The following PLCB4 variants were observed in gnomAD, a reference collection of about 807,000 sequenced individuals.
The protein encoded by PLCB4 is 1-phosphatidylinositol 4,5-bisphosphate phosphodiesterase beta-4.
PLCB4 carries 77 observed loss-of-function variants against 178.8 expected under a neutral mutation model. The observed-to-expected ratio is 0.43, with a 90% CI of 0.36 to 0.52. The LOEUF (loss-of-function observed/expected upper bound fraction) is 0.52. Ranked by LOEUF, PLCB4 falls within the 20% of genes least tolerant of loss-of-function variation. The pLI is 0.00. For synonymous variants in PLCB4, 496 were observed against 490.8 expected (o/e 1.01, Z -0.14); for missense variants, 1,024 against 1,453.4 (o/e 0.70, Z 4.80).
intron 3 of PLCB4, among the ~76,000 whole-genome samples, chr20:9,303,531 G>A (rs963343529): frequency 6.6e-6 from 1 of 152,044 alleles, no homozygotes; most frequent in Non-Finnish European, 1.5e-5. Flanking sequence ...CTTTTTTAAG[G>A]CTGAATAATA....
At chr20:9,416,961 G>A (rs1473810453) in intron 25 of PLCB4, among the ~76,000 whole-genome samples, 2 of 151,960 alleles carry the variant, frequency 1.3e-5, no homozygotes, top group Non-Finnish European at 2.9e-5. Flanking sequence ...AAACTTTAAA[G>A]AAAAAATATC....
chr20:9,172,914 G>A (rs1355858630), intron 2 of PLCB4, among the ~76,000 whole-genome samples: 1 of 152,132 alleles, frequency 6.6e-6, no homozygotes, highest in Non-Finnish European at 1.5e-5. Context: ...TCTGCAAAGA[G>A]CAAATTGTTT....
At position 9,110,638 on chromosome 20, in the gene PLCB4, C is replaced by T. The variant is rs545754420; in HGVS notation, c.-79+14296C>T. On this transcript the variant is annotated intron_variant, in intron 2 of 39. Coordinates refer to ENST00000378473, the MANE Select transcript of PLCB4 (RefSeq NM_001377142.1). Reference sequence around the variant, plus strand: ...CTGAGAACAGTATTTAAGCTGACTACGTTTCTTTTATAGCTGGCCTTTTAT... The same window carrying T: ...CTGAGAACAGTATTTAAGCTGACTATGTTTCTTTTATAGCTGGCCTTTTAT... Among the ~76,000 whole-genome samples, 5 of 152,248 alleles carry T rather than the reference C, an allele frequency of 3.3e-5. No individual in the cohort carries two copies. In the East Asian group the frequency reaches 5.8e-4, roughly 18 times the overall value.
Position 9,405,303 on chromosome 20 carries a change from C to T in PLCB4, c.1612-10C>T. 6.6e-7 allele frequency: 1 copy of T among 1,508,532 alleles called. No individual in the cohort carries two copies. The highest frequency in any genetic ancestry group is 9.0e-7 in the Non-Finnish European group (1 of 1,108,248). The allele number at this position is 1,508,532 out of a possible 1,614,324, so 93.4% of individuals were successfully genotyped here. ...GAGAAGTAAACAAATTATTTCCTTT[C>T]TCTAATTAGGCTTCAGATGACCTTG... On this transcript the variant is annotated splice_polypyrimidine_tract_variant and intron_variant, in intron 20 of 39. Coordinates refer to ENST00000378473, the MANE Select transcript of PLCB4 (RefSeq NM_001377142.1).
chr20:9,429,112 T>G (rs1239176363), intron 28 of PLCB4, among the ~76,000 whole-genome samples: 5 of 152,152 alleles, frequency 3.3e-5, no homozygotes, highest in African/African-American at 1.2e-4. Context: ...AGCTTTAAGT[T>G]AAATCTTAAT....
chr20:9,288,685 G>T (rs1442746025), intron 3 of PLCB4, among the ~76,000 whole-genome samples: 1 of 151,968 alleles, frequency 6.6e-6, no homozygotes, highest in Admixed American at 6.6e-5. Flanking sequence ...GGACAGAGGA[G>T]GTGGAGGGAT....
In PLCB4 at chr20:9,328,099, T is replaced by G. The variant is rs374875128; in HGVS notation, c.85-9027T>G. Among the ~76,000 whole-genome samples, 45 of 152,226 alleles carry G rather than the reference T, an allele frequency of 3.0e-4. No homozygotes were observed. The South Asian group carries it at 3.5e-3, about 12-fold the overall frequency. ...CCAGATAAAATAACGGAAGAGGGAT[T>G]TAGATTGAAGGGAAAAAAGTAAACA... On this transcript the variant is annotated intron_variant, in intron 4 of 39. Coordinates refer to ENST00000378473, the MANE Select transcript of PLCB4 (RefSeq NM_001377142.1).
chr20:9,083,378 TACAC>T (rs11469387), intron 1 of PLCB4, among the ~76,000 whole-genome samples: 2 of 150,702 alleles, frequency 1.3e-5, no homozygotes, highest in African/African-American at 4.9e-5. Flanking sequence ...CACACACTCA[TACAC>T]ACACACACAC....
chr20:9,139,511 AC>A (rs1247064995), intron 2 of PLCB4, among the ~76,000 whole-genome samples: 1 of 152,024 alleles, frequency 6.6e-6, no homozygotes, highest in Admixed American at 6.6e-5. Context: ...TGGGCTTCTC[AC>A]AGTGAGGGAG....
intron 7 of PLCB4, among the ~76,000 whole-genome samples, chr20:9,356,771 C>T (rs947262551): frequency 3.3e-5 from 5 of 152,140 alleles, no homozygotes; most frequent in African/African-American, 1.2e-4. Context: ...ATTTAGGCAC[C>T]TTGAAAGTAG....
intron 9 of PLCB4, among the ~76,000 whole-genome samples, chr20:9,369,171 G>A (rs754275412): frequency 1.3e-5 from 2 of 152,116 alleles, no homozygotes; most frequent in South Asian, 2.1e-4. Context: ...TCACCAGAAA[G>A]GCTCAGTCTC....
chr20:9,300,336 A>T (rs1008548609), intron 3 of PLCB4, among the ~76,000 whole-genome samples: 1 of 152,146 alleles, frequency 6.6e-6, no homozygotes, highest in African/African-American at 2.4e-5. Context: ...TTAATTTGTT[A>T]TGGAAATTTT....
intron 28 of PLCB4, among the ~76,000 whole-genome samples, chr20:9,430,445 G>A (rs1438986294): frequency 6.6e-6 from 1 of 152,128 alleles, no homozygotes; most frequent in Non-Finnish European, 1.5e-5. Flanking sequence ...ATTTCTTAAA[G>A]GTAAAGGCAG....
At chr20:9,322,467 T>C (rs557737215) in intron 4 of PLCB4, among the ~76,000 whole-genome samples, 19 of 152,342 alleles carry the variant, frequency 1.2e-4, no homozygotes, top group African/African-American at 4.6e-4. Flanking sequence ...AAGCACTTGC[T>C]CCGAAATGCT....
chr20:9,367,275 A>C (rs2035866297), intron 9 of PLCB4, among the ~76,000 whole-genome samples: 1 of 152,122 alleles, frequency 6.6e-6, no homozygotes, highest in Non-Finnish European at 1.5e-5. Context: ...ATTTTTTTTA[A>C]ATTTAACTCT....
chr20:9,270,645 G>A (rs1308604353), intron 3 of PLCB4, among the ~76,000 whole-genome samples: 1 of 151,862 alleles, frequency 6.6e-6, no homozygotes, highest in Non-Finnish European at 1.5e-5. Context: ...AACCCTACTT[G>A]CAACTTCAAA....
At chr20:9,357,055 G>T (rs1404903335) in intron 7 of PLCB4, among the ~76,000 whole-genome samples, 1 of 152,132 alleles carries the variant, frequency 6.6e-6, no homozygotes, top group African/African-American at 2.4e-5. Context: ...GGTCAAGGCA[G>T]CAGTGAGCCT....
intron 36 of PLCB4, among the ~76,000 whole-genome samples, chr20:9,469,633 C>T (rs781732824): frequency 2.6e-5 from 4 of 152,190 alleles, no homozygotes; most frequent in Non-Finnish European, 5.9e-5. Flanking sequence ...TCCCAGTAAC[C>T]TCAAATAAAA....
At position 9,355,275 on chromosome 20, in the gene PLCB4, TTTTA is replaced by T. The variant is rs554371875; in HGVS notation, c.370-7617_370-7614del. On this transcript the variant is annotated intron_variant, in intron 7 of 39. Coordinates refer to ENST00000378473, the MANE Select transcript of PLCB4 (RefSeq NM_001377142.1). ...TCATTTGCCATGCTTTTTAAAATTT[TTTTA>T]TTTTTTATATTTTGTATTATTATTA... is the stretch of plus-strand genomic sequence containing the variant. Among the ~76,000 whole-genome samples, 1,125 of 152,192 alleles carry T rather than the reference TTTTA, an allele frequency of 7.4e-3. 18 individuals are homozygous for T. Among genetic ancestry groups the T allele is most frequent in the African/African-American group, 0.026 (1,064 of 41,544 alleles).
Sources: allele counts gnomAD v4.1 joint callset (sites outside exome capture counted in the v4.1 genomes callset), GRCh38; gene constraint gnomAD v4.1.1; transcripts MANE v1.5; gene names NCBI Gene and HGNC (gene_info 2026-07-23, HGNC 2026-07-21).